The following VTI1A variants were observed in gnomAD, a reference collection of about 807,000 sequenced individuals.
VTI1A encodes vesicle transport through interaction with t-SNAREs 1A.
VTI1A carries 22 observed loss-of-function variants against 34.9 expected under a neutral mutation model. The observed-to-expected ratio is 0.63, with a 90% CI of 0.45 to 0.90. VTI1A has a LOEUF of 0.90. Ranked by LOEUF, VTI1A falls within the 40% of genes least tolerant of loss-of-function variation. The pLI, the probability that VTI1A is intolerant of heterozygous loss-of-function variation, is 0.00. For missense variants in VTI1A, 268 were observed against 275.6 expected (o/e 0.97, Z 0.20); for synonymous variants, 87 against 97.3 (o/e 0.89, Z 0.62).
At position 112,447,486 on chromosome 10, in the gene VTI1A, T is replaced by C; in HGVS notation, c.94+19T>C. On this transcript the variant is annotated intron_variant, in intron 1 of 7. Coordinates refer to ENST00000393077, the MANE Select transcript of VTI1A (RefSeq NM_145206.4). Reference sequence around the variant, plus strand: ...CCGCCTGGTGAGAGCCTTGCCCGGCTGGACGAGGGTGCTGGGGAGAGCTGG... The same window carrying C: ...CCGCCTGGTGAGAGCCTTGCCCGGCCGGACGAGGGTGCTGGGGAGAGCTGG... 1 of 1,611,384 alleles carries C rather than the reference T, an allele frequency of 6.2e-7. No individual in the cohort carries two copies. The highest frequency in any genetic ancestry group is 8.5e-7 in the Non-Finnish European group (1 of 1,179,086).
intron 5 of VTI1A, among the ~76,000 whole-genome samples, chr10:112,628,689 T>TTACGGA (rs1846013234): frequency 2.0e-5 from 3 of 152,214 alleles, no homozygotes; most frequent in Admixed American, 2.0e-4. Context: ...CATTTAATCT[T>TTACGGA]CAGTGTTGCT....
chr10:112,692,695 C>G (rs973472987), intron 7 of VTI1A, among the ~76,000 whole-genome samples: 1 of 152,160 alleles, frequency 6.6e-6, no homozygotes, highest in African/African-American at 2.4e-5. Flanking sequence ...AATGTGCTAG[C>G]TATGCATTTT....
At chr10:112,737,640 A>C (rs1403763913) in intron 7 of VTI1A, 4 of 1,050,010 alleles carry the variant, frequency 3.8e-6, no homozygotes, top group Non-Finnish European at 4.6e-6. Flanking sequence ...TGTGAAACAC[A>C]GGGGTACCTC....
chr10:112,582,734 T>C (rs940972273), intron 5 of VTI1A, among the ~76,000 whole-genome samples: 1 of 152,160 alleles, frequency 6.6e-6, no homozygotes, highest in Non-Finnish European at 1.5e-5. Flanking sequence ...TGCCATCTTA[T>C]ACTTGATTAG....
Position 112,527,527 on chromosome 10 carries a change from G to A in VTI1A, c.342+363G>A, listed in dbSNP as rs368781721. The A allele has an allele frequency of 5.0e-4, 78 of 155,492 alleles. 1 individual carries two copies. The South Asian group carries it at 0.016, about 31-fold the overall frequency. The allele number at this position is 155,492 out of a possible 1,614,324, so 9.6% of individuals were successfully genotyped here. On this transcript the variant is annotated intron_variant, in intron 4 of 7. Coordinates refer to ENST00000393077, the MANE Select transcript of VTI1A (RefSeq NM_145206.4). ...ATAATACAGCTTTGATAATAATGCA[G>A]TATAATTAAATCAACACTTGCAGCA...
intron 5 of VTI1A, among the ~76,000 whole-genome samples, chr10:112,550,349 G>GTTTT (rs56846103): frequency 7.0e-6 from 1 of 142,284 alleles, no homozygotes; most frequent in Non-Finnish European, 1.5e-5. Flanking sequence ...GTGCCAGAAG[G>GTTTT]TTTTTTTTTT....
chr10:112,571,933 G>T (rs1852139811), intron 5 of VTI1A, among the ~76,000 whole-genome samples: 1 of 152,166 alleles, frequency 6.6e-6, no homozygotes. Flanking sequence ...GCCAAACATT[G>T]GCTACTCATT....
intron 7 of VTI1A, among the ~76,000 whole-genome samples, chr10:112,713,017 C>A (rs974988309): frequency 2.0e-5 from 3 of 152,130 alleles, no homozygotes; most frequent in Admixed American, 6.5e-5. Context: ...ATCTCCAGTT[C>A]CTGATATAGG....
chr10:112,642,608 A>AGTGTGTGTGT (rs75201126), intron 5 of VTI1A, among the ~76,000 whole-genome samples: 66 of 150,284 alleles, frequency 4.4e-4, no homozygotes, highest in African/African-American at 1.5e-3. Context: ...TATACAGGGT[A>AGTGTGTGTGT]GTGTGTGTGT....
chr10:112,660,801 A>T (rs774068578), intron 5 of VTI1A, among the ~76,000 whole-genome samples: 6 of 152,172 alleles, frequency 3.9e-5, no homozygotes, highest in Non-Finnish European at 8.8e-5. Context: ...GCCTACCTTA[A>T]ATAAATATGC....
chr10:112,463,770 G>A (rs1298527863), intron 2 of VTI1A, among the ~76,000 whole-genome samples: 1 of 152,178 alleles, frequency 6.6e-6, no homozygotes, highest in Non-Finnish European at 1.5e-5. Context: ...TGGTTGGTAT[G>A]TGATTTTCCT....
chr10:112,476,716 TA>T (rs1848290330), intron 3 of VTI1A, among the ~76,000 whole-genome samples: 1 of 152,192 alleles, frequency 6.6e-6, no homozygotes, highest in Non-Finnish European at 1.5e-5. Context: ...AGTATTTGAA[TA>T]AAGTGTGTCA....
At chr10:112,683,177 T>A (rs1300998834) in intron 7 of VTI1A, among the ~76,000 whole-genome samples, 1 of 152,244 alleles carries the variant, frequency 6.6e-6, no homozygotes, top group Non-Finnish European at 1.5e-5. Context: ...TACCAAAAGA[T>A]GTACCTATAA....
downstream of VTI1A, among the ~76,000 whole-genome samples, chr10:112,822,847 A>G (rs377126588): frequency 1.1e-4 from 16 of 152,224 alleles, no homozygotes; most frequent in African/African-American, 3.6e-4. Flanking sequence ...CATTCAATCA[A>G]TATTTATTGA....
At chr10:112,636,905 T>C (rs1416905755) in intron 5 of VTI1A, among the ~76,000 whole-genome samples, 2 of 151,882 alleles carry the variant, frequency 1.3e-5, no homozygotes, top group African/African-American at 2.4e-5. Context: ...CAAAAAACAG[T>C]CATTAAGATT....
intron 3 of VTI1A, among the ~76,000 whole-genome samples, chr10:112,518,945 A>G (rs1342293809): frequency 6.6e-6 from 1 of 151,970 alleles, no homozygotes; most frequent in African/African-American, 2.4e-5. Context: ...TATAGAAGTA[A>G]CCGTCAAAAT....
intron 7 of VTI1A, chr10:112,737,894 G>A (rs1001570709): frequency 1.1e-5 from 12 of 1,062,198 alleles, no homozygotes; most frequent in South Asian, 4.6e-5. Flanking sequence ...GCCTTTCAGC[G>A]AGTGTGAGGG....
intron 5 of VTI1A, among the ~76,000 whole-genome samples, chr10:112,608,963 TTCAG>T: frequency 6.6e-6 from 1 of 152,194 alleles, no homozygotes; most frequent in South Asian, 2.1e-4. Context: ...TGACAATATC[TTCAG>T]TCAAATATTT....
chr10:112,535,305 C>T (rs1850579984), intron 4 of VTI1A, among the ~76,000 whole-genome samples: 1 of 152,062 alleles, frequency 6.6e-6, no homozygotes, highest in Non-Finnish European at 1.5e-5. Flanking sequence ...TATTTATAGA[C>T]TAGATTACAG....
Sources: gnomAD v4.1 joint callset for allele counts (sites outside exome capture counted in the v4.1 genomes callset) on GRCh38, gnomAD v4.1.1 for gene constraint, MANE v1.5 for transcripts, NCBI Gene and HGNC (gene_info 2026-07-23, HGNC 2026-07-21) for gene names.